Variants in APOBEC3D observed in about 807,000 individuals in gnomAD.
APOBEC3D encodes the protein apolipoprotein B mRNA editing enzyme catalytic subunit 3D, also known as DNA dC->dU-editing enzyme APOBEC-3D.
Under a neutral mutation model 45.6 loss-of-function variants are expected in APOBEC3D, and 37 were observed. That is an observed-to-expected ratio of 0.81 (90% CI 0.62 to 1.07). The LOEUF (loss-of-function observed/expected upper bound fraction) is 1.07, where lower values mean the gene tolerates loss of function less well. Among genes scored for constraint, APOBEC3D ranks in the 50% least tolerant of loss-of-function variants. The probability of loss-of-function intolerance (pLI) is 0.00; values close to 1 mark genes in which losing one functional copy is unlikely to be tolerated. For missense variants in APOBEC3D, 496 were observed against 495.3 expected (o/e 1.00, Z -0.01); for synonymous variants, 175 against 180.7 (o/e 0.97, Z 0.25).
chr22:39,031,565 T>C (rs1364350912), intron 5 of APOBEC3D, 129 bp from the exon 6 acceptor site: 1 of 1,382,194 alleles, frequency 7.2e-7, no homozygotes, highest in Non-Finnish European at 9.9e-7. Flanking sequence ...AGAGACCCTG[T>C]CTCAAAAATA....
chr22:39,021,412 T>C lies in APOBEC3D; in HGVS notation c.-108T>C, dbSNP rs1227911434. 2.0e-5 allele frequency: 31 copies of C among 1,542,900 alleles called. No homozygotes were observed. Among genetic ancestry groups the C allele is most frequent in the Middle Eastern group, 1.7e-4 (1 of 5,928 alleles). On this transcript the variant is annotated 5_prime_UTR_variant, in exon 1 of 7. Coordinates refer to ENST00000216099, the MANE Select transcript of APOBEC3D (RefSeq NM_152426.4). ...TGAGCCACCGTGCCCGGCCGGGAGG[T>C]CACTTTAAGGAGGGCTGTCCAACTG...
intron 5 of APOBEC3D, among the ~76,000 whole-genome samples, chr22:39,029,899 C>T (rs1464901935): frequency 6.6e-6 from 1 of 152,252 alleles, no homozygotes; most frequent in Non-Finnish European, 1.5e-5. Flanking sequence ...GCATGAGCCA[C>T]CACGCCCAAC....
At chr22:39,029,600 G>C (rs1281270915) in intron 5 of APOBEC3D, 81 bp downstream of exon 5, 4 of 1,544,378 alleles carry the variant, frequency 2.6e-6, no homozygotes, top group South Asian at 1.2e-5. Flanking sequence ...GACGTGCCCC[G>C]CGTGGGCTCT....
At chr22:39,028,039 T>C (rs565224477) in intron 4 of APOBEC3D, among the ~76,000 whole-genome samples, 2 of 152,322 alleles carry the variant, frequency 1.3e-5, no homozygotes, top group Admixed American at 6.5e-5. Context: ...GGAATTTCTG[T>C]AAGATTTACT....
intron 4 of APOBEC3D, among the ~76,000 whole-genome samples, chr22:39,027,413 C>T (rs1464180240): frequency 6.6e-6 from 1 of 152,122 alleles, no homozygotes; most frequent in African/African-American, 2.4e-5. Context: ...TGGGGGGCGT[C>T]CCTGGGATGA....
In APOBEC3D at chr22:39,025,180, C is replaced by T; in HGVS notation, c.321C>T (p.Asn107=). 2 of 1,614,112 alleles carry T rather than the reference C, an allele frequency of 1.2e-6. No homozygotes were observed. The highest frequency in any genetic ancestry group is 1.7e-6 in the Non-Finnish European group (2 of 1,179,992). Residue 107 remains asparagine (N), a synonymous_variant, in exon 3 of 7, where the codon AAC becomes AAT. Coordinates refer to ENST00000216099, the MANE Select transcript of APOBEC3D (RefSeq NM_152426.4). ...RFQITWFVSW[N]PCLPCVVKVT... is the part of the protein sequence containing the mutation. Reference sequence around the variant, plus strand: ...AGATCACCTGGTTTGTATCATGGAACCCCTGCCTGCCCTGTGTGGTGAAGG... The same window carrying T: ...AGATCACCTGGTTTGTATCATGGAATCCCTGCCTGCCCTGTGTGGTGAAGG...
chr22:39,026,973 G>C (rs1179190534), intron 4 of APOBEC3D, among the ~76,000 whole-genome samples: 21 of 151,970 alleles, frequency 1.4e-4, no homozygotes, highest in Admixed American at 1.4e-3. Flanking sequence ...TGTTGAGTAA[G>C]ATTTTACAAA....
chr22:39,024,884 A>G (rs767648135), intron 2 of APOBEC3D, among the ~76,000 whole-genome samples, 186 bp from the exon 3 acceptor site: 8 of 152,152 alleles, frequency 5.3e-5, no homozygotes, highest in Non-Finnish European at 1.2e-4. Flanking sequence ...CCAGTACCAT[A>G]GCAATTAACA....
intron 5 of APOBEC3D, among the ~76,000 whole-genome samples, chr22:39,031,271 T>C (rs1217546906): frequency 2.0e-5 from 3 of 151,626 alleles, no homozygotes; most frequent in African/African-American, 2.4e-5. Context: ...AAATGAAAAG[T>C]AAAGAAATAA....
chr22:39,025,286 T>C lies in APOBEC3D; in HGVS notation c.427T>C (p.Trp143Arg), dbSNP rs562831586. ...CCTCTACTACTACCGGGATAGAGATTGGCGGTGGGTGCTCCTCAGGCTGCA... is the reference window on the plus strand; with the variant it reads ...CCTCTACTACTACCGGGATAGAGATCGGCGGTGGGTGCTCCTCAGGCTGCA... ...ARLYYYRDRD[W>R]RWVLLRLHKA... Residue 143 changes from tryptophan to arginine, a missense_variant, in exon 3 of 7, where the codon TGG becomes CGG. By Grantham distance (101) the Trp-to-Arg change is moderately radical. Transcript: ENST00000216099. 18 of 1,614,092 alleles carry C rather than the reference T, an allele frequency of 1.1e-5. No homozygotes were observed. In the South Asian group the frequency reaches 2.0e-4, roughly 18 times the overall value.
intron 1 of APOBEC3D, among the ~76,000 whole-genome samples, chr22:39,021,759 C>T (rs995104194): frequency 2.6e-5 from 4 of 152,212 alleles, no homozygotes; most frequent in Admixed American, 2.6e-4. Flanking sequence ...ACAGTCCAGG[C>T]CCCCTCCTGA....
Position 39,031,752 on chromosome 22 carries a change from A to G in APOBEC3D, c.821A>G (p.Asp274Gly), listed in dbSNP as rs201827370. The change falls in exon 6 of 7, where the codon GAC (aspartate) becomes GGC (glycine). Residue 274 changes from aspartate (D) to glycine (G), a missense_variant. Asp to Gly is a moderately conservative substitution (Grantham distance 94, BLOSUM62 -1). Coordinates refer to ENST00000216099, the MANE Select transcript of APOBEC3D (RefSeq NM_152426.4). The part of the protein sequence containing the change: ...ERCFLSWFCD[D>G]ILSPNTNYEV... ...TGCTTCCTCTCTTGGTTCTGTGACG[A>G]CATACTGTCTCCTAACACAAACTAC... 3 of 1,613,526 alleles carry G rather than the reference A, an allele frequency of 1.9e-6. No individual in the cohort carries two copies. Among genetic ancestry groups the G allele is most frequent in the East Asian group, 4.5e-5 (2 of 44,862 alleles).
At chr22:39,029,300 T>G (rs538236336) in intron 4 of APOBEC3D, 63 bp from the exon 5 acceptor site, 3 of 1,585,200 alleles carry the variant, frequency 1.9e-6, no homozygotes, top group East Asian at 2.2e-5. Flanking sequence ...TCCAGGGAGT[T>G]GTGTTCAGTG....
At chr22:39,027,812 G>A (rs929892022) in intron 4 of APOBEC3D, among the ~76,000 whole-genome samples, 11 of 151,960 alleles carry the variant, frequency 7.2e-5, no homozygotes, top group Admixed American at 3.9e-4. Flanking sequence ...CTATGTGGTC[G>A]CCCCACTGCT....
At chr22:39,023,777 G>C (rs1463503359) in intron 2 of APOBEC3D, among the ~76,000 whole-genome samples, 1 of 151,942 alleles carries the variant, frequency 6.6e-6, no homozygotes, top group Admixed American at 6.6e-5. Flanking sequence ...TAAGTCCGTG[G>C]CCCAGACCTT....
At position 39,033,183 on chromosome 22, in the gene APOBEC3D, C is replaced by T; in HGVS notation, c.*867C>T. 2.4e-6 allele frequency: 2 copies of T among 846,818 alleles called. No individual in the cohort carries two copies. Among genetic ancestry groups the T allele is most frequent in the Non-Finnish European group, 2.8e-6 (2 of 703,614 alleles). The allele number at this position is 846,818 out of a possible 1,614,324, so 52.5% of individuals were successfully genotyped here. On this transcript the variant is annotated 3_prime_UTR_variant, in exon 7 of 7. Coordinates refer to ENST00000216099, the MANE Select transcript of APOBEC3D (RefSeq NM_152426.4). ...AGTAAACTGAGATCGCGCCACAGAA[C>T]TCCAGTTTGAGCAACAGATCAAGAC... is the stretch of plus-strand genomic sequence containing the variant.
chr22:39,030,394 G>C (rs1395907921), intron 5 of APOBEC3D, among the ~76,000 whole-genome samples: 1 of 152,138 alleles, frequency 6.6e-6, no homozygotes, highest in East Asian at 1.9e-4. Flanking sequence ...TGCTGGCCTC[G>C]GAAACACCCA....
intron 1 of APOBEC3D, among the ~76,000 whole-genome samples, 173 bp from the exon 2 acceptor site, chr22:39,022,649 C>T (rs993701982): frequency 2.0e-5 from 3 of 152,178 alleles, no homozygotes; most frequent in South Asian, 2.1e-4. Flanking sequence ...CCAGCATCCC[C>T]TCCTCTTCCT....
At chr22:39,025,730 G>C in intron 4 of APOBEC3D, 59 bp downstream of exon 4, 1 of 1,611,634 alleles carries the variant, frequency 6.2e-7, no homozygotes, top group African/African-American at 1.3e-5. Context: ...TCATCCTCCT[G>C]AGGACTCCCC....
Sources: gnomAD v4.1 joint callset for allele counts (sites outside exome capture counted in the v4.1 genomes callset) on GRCh38, gnomAD v4.1.1 for gene constraint, MANE v1.5 for transcripts, NCBI Gene and HGNC (gene_info 2026-07-23, HGNC 2026-07-21) for gene names.